Variants in LAMA2 observed in about 807,000 individuals in gnomAD.
The protein encoded by LAMA2 is laminin subunit alpha-2.
A neutral mutation model predicts 364.8 loss-of-function variants in LAMA2; 269 were observed. That is an observed-to-expected ratio of 0.74 (90% confidence interval 0.67 to 0.82). The LOEUF (loss-of-function observed/expected upper bound fraction) is 0.82, where lower values mean the gene tolerates loss of function less well. LAMA2 is among the 40% of genes least tolerant of loss of function. The probability of loss-of-function intolerance (pLI) is 0.00; values close to 1 mark genes in which losing one functional copy is unlikely to be tolerated. For missense variants in LAMA2, 3,807 were observed against 3,873.2 expected (o/e 0.98, Z 0.45); for synonymous variants, 1,379 against 1,370.6 (o/e 1.01, Z -0.14).
chr6:129,042,515 T>C (rs565981492), intron 1 of LAMA2, among the ~76,000 whole-genome samples: 2 of 152,116 alleles, frequency 1.3e-5, no homozygotes, highest in African/African-American at 4.8e-5. Flanking sequence ...CTCAAATTTA[T>C]CTACATTGAA....
chr6:129,270,781 C>T (rs768068032), intron 17 of LAMA2, 30 bp downstream of exon 17: 8 of 1,609,100 alleles, frequency 5.0e-6, no homozygotes, highest in Admixed American at 3.3e-5. Flanking sequence ...CATGAATAAG[C>T]TCAGCATCCA....
At chr6:129,146,500 C>T (rs1390205866) in intron 5 of LAMA2, among the ~76,000 whole-genome samples, 1 of 151,990 alleles carries the variant, frequency 6.6e-6, no homozygotes, top group Admixed American at 6.6e-5. Context: ...GTTATGAGCA[C>T]AATTTCTACC....
chr6:129,297,551 T>C, intron 20 of LAMA2, 134 bp from the exon 21 acceptor site: 1 of 781,006 alleles, frequency 1.3e-6, no homozygotes, highest in Admixed American at 2.1e-5. Context: ...AAAACCCAAT[T>C]GTCATAACAT....
rs1781750923 is a variant in LAMA2 at position 129,434,608 on chromosome 6, TTAAC to T, written c.5969-4035_5969-4032del. Among the ~76,000 whole-genome samples the T allele has an allele frequency of 2.6e-5, 4 of 152,206 alleles. No individual in the cohort carries two copies. The East Asian group carries it at 7.7e-4, about 29-fold the overall frequency. On this transcript the variant is annotated intron_variant, in intron 41 of 64. Transcript: ENST00000421865. The stretch of plus-strand genomic sequence containing the variant: ...TAAAAAAATTCAGTTGGATTTTCTT[TTAAC>T]TATCGATAATTCTATGTCTTCACCC...
At chr6:128,991,959 C>T (rs1467839536) in intron 1 of LAMA2, among the ~76,000 whole-genome samples, 1 of 152,100 alleles carries the variant, frequency 6.6e-6, no homozygotes, top group Non-Finnish European at 1.5e-5. Flanking sequence ...GCTTTATGAC[C>T]AGAACACATT....
At chr6:129,097,734 T>G (rs1775272446) in intron 3 of LAMA2, among the ~76,000 whole-genome samples, 1 of 152,184 alleles carries the variant, frequency 6.6e-6, no homozygotes, top group Admixed American at 6.5e-5. Context: ...AAATGGCACT[T>G]TTTTGAGGAT....
chr6:129,208,206 GT>G (rs1562333187), intron 12 of LAMA2, among the ~76,000 whole-genome samples: 1 of 152,126 alleles, frequency 6.6e-6, no homozygotes, highest in Admixed American at 6.5e-5. Context: ...GTTTGCTTTA[GT>G]TCTTACAGAC....
intron 4 of LAMA2, among the ~76,000 whole-genome samples, chr6:129,109,664 A>C (rs1397930911): frequency 6.6e-6 from 1 of 152,122 alleles, no homozygotes; most frequent in Non-Finnish European, 1.5e-5. Flanking sequence ...TAATTATATC[A>C]ATATTACTTT....
chr6:129,486,421 TA>T, intron 55 of LAMA2, 52 bp from the exon 56 acceptor site: 1 of 1,576,684 alleles, frequency 6.3e-7, no homozygotes, highest in South Asian at 1.1e-5. Context: ...TCTCTAAAGC[TA>T]AGCCATAAAT....
In LAMA2 at chr6:128,952,495, A is replaced by G. The variant is rs149827043; in HGVS notation, c.112+69138A>G. Among the ~76,000 whole-genome samples, 439 of 152,310 alleles carry G rather than the reference A, an allele frequency of 2.9e-3. 2 individuals are homozygous for G. The highest frequency in any genetic ancestry group is 0.01 in the African/African-American group (422 of 41,576). On this transcript the variant is annotated intron_variant, in intron 1 of 64. Transcript: ENST00000421865. ...TCAAGGATCTAGTTTGTTAAGAAAC[A>G]TAGGCATCATAACAAATAAATGTTC...
rs553916804 is a variant in LAMA2, at chr6:128,921,344, G to A, written c.112+37987G>A. ...CATTTCTAAGCTATTTTTGTAGGTT[G>A]AATTGCATCCTTCAAAAAGAAATGT... is the stretch of plus-strand genomic sequence containing the variant. On this transcript the variant is annotated intron_variant, in intron 1 of 64. Coordinates refer to ENST00000421865, the MANE Select transcript of LAMA2 (RefSeq NM_000426.4). 8.5e-5 allele frequency among the ~76,000 whole-genome samples: 13 copies of A among 152,276 alleles called. No individual in the cohort carries two copies. In the South Asian group the frequency reaches 2.7e-3, roughly 32 times the overall value.
intron 1 of LAMA2, 118 bp downstream of exon 1, chr6:128,883,475 T>C: frequency 2.0e-6 from 3 of 1,497,308 alleles, no homozygotes; most frequent in Non-Finnish European, 1.8e-6. Flanking sequence ...CTTCAGAGAG[T>C]GCGCTCTGGG....
chr6:128,956,850 A>G (rs887073069), intron 1 of LAMA2, among the ~76,000 whole-genome samples: 3 of 152,078 alleles, frequency 2.0e-5, no homozygotes, highest in African/African-American at 7.2e-5. Flanking sequence ...GAATGATGGT[A>G]TGATGGATTT....
intron 8 of LAMA2, chr6:129,158,387 A>G (rs1396162995): frequency 1.2e-6 from 2 of 1,613,944 alleles, no homozygotes; most frequent in Non-Finnish European, 1.7e-6. Context: ...GTACTTCTCC[A>G]TATCGGCCTT....
chr6:128,939,100 A>G (rs1780007737), intron 1 of LAMA2, among the ~76,000 whole-genome samples: 3 of 152,180 alleles, frequency 2.0e-5, no homozygotes, highest in Admixed American at 1.3e-4. Flanking sequence ...TTTCTCTTCA[A>G]TTCCAACTCA....
intron 4 of LAMA2, 82 bp from the exon 5 acceptor site, chr6:129,143,817 CTT>C: frequency 9.4e-7 from 1 of 1,059,806 alleles, no homozygotes; most frequent in Non-Finnish European, 1.4e-6. Flanking sequence ...GGGAAGTTAA[CTT>C]TATTTTTCCA....
chr6:128,976,380 G>A (rs1056751870), intron 1 of LAMA2, among the ~76,000 whole-genome samples: 2 of 152,110 alleles, frequency 1.3e-5, no homozygotes, highest in African/African-American at 2.4e-5. Context: ...AAAGCTCAGG[G>A]GAGAACTCTA....
At chr6:129,411,850 A>G (rs531662592) in intron 40 of LAMA2, among the ~76,000 whole-genome samples, 1 of 152,324 alleles carries the variant, frequency 6.6e-6, no homozygotes, top group South Asian at 2.1e-4. Flanking sequence ...GTACAAATCT[A>G]AGTAAGCATT....
intron 3 of LAMA2, among the ~76,000 whole-genome samples, chr6:129,094,380 A>G (rs950097902): frequency 2.0e-5 from 3 of 152,208 alleles, no homozygotes; most frequent in Admixed American, 6.5e-5. Context: ...AGTCTTCTGT[A>G]AGGCGGTGAC....
Sources: allele counts gnomAD v4.1 joint callset (sites outside exome capture counted in the v4.1 genomes callset), GRCh38; gene constraint gnomAD v4.1.1; transcripts MANE v1.5; gene names NCBI Gene and HGNC (gene_info 2026-07-23, HGNC 2026-07-21).